The following BRCA2 variants were observed in gnomAD, a reference collection of about 807,000 sequenced individuals.
BRCA2 encodes breast cancer type 2 susceptibility protein.
A neutral mutation model predicts 276.7 loss-of-function variants in BRCA2; 203 were observed. The ratio of observed to expected loss-of-function variants is 0.73; its 90% CI spans 0.65 to 0.82. The LOEUF is 0.82. Ranked by LOEUF, BRCA2 falls within the 40% of genes least tolerant of loss-of-function variation. The probability of loss-of-function intolerance (pLI) is 0.00; values close to 1 mark genes in which losing one functional copy is unlikely to be tolerated. For synonymous variants in BRCA2, 1,289 were observed against 1,338.4 expected (o/e 0.96, Z 0.81); for missense variants, 3,920 against 3,915.0 (o/e 1.00, Z -0.03).
rs80358489 is a variant in BRCA2 at position 32,336,480 on chromosome 13, C to G, written c.2125C>G (p.Leu709Val). 5.6e-6 allele frequency: 9 copies of G among 1,614,056 alleles called. No homozygotes were observed. The highest frequency in any genetic ancestry group is 5.9e-6 in the Non-Finnish European group (7 of 1,180,008). ...ATTTATTACCCCAGAAGCTGATTCT[C>G]TGTCATGCCTGCAGGAAGGACAGTG... is the stretch of plus-strand genomic sequence containing the variant. ...QLFITPEADSLSCLQEGQCEN... is the reference protein window; with the variant it reads ...QLFITPEADSVSCLQEGQCEN... Residue 709 changes from leucine to valine, a missense_variant, in exon 11 of 27, where the codon CTG (leucine) becomes GTG (valine). Transcript: ENST00000380152.
chr13:32,323,239 G>A (rs949260907), intron 3 of BRCA2, among the ~76,000 whole-genome samples: 3 of 148,564 alleles, frequency 2.0e-5, no homozygotes, highest in South Asian at 2.1e-4. Context: ...TGCAAGCTCC[G>A]CCTCCCAGGT....
chr13:32,398,981 T>A lies in BRCA2; in HGVS notation c.*211T>A. ...TTGCTTCAGTTGCATATCTTAAAAC[T>A]AAATGTAATTTATTAACTAATCAAG... On this transcript the variant is annotated 3_prime_UTR_variant, in exon 27 of 27. Transcript: ENST00000380152. 1.8e-6 allele frequency: 1 copy of A among 555,874 alleles called. No homozygotes were observed. Among genetic ancestry groups the A allele is most frequent in the Non-Finnish European group, 3.0e-6 (1 of 329,554 alleles). The allele number at this position is 555,874 out of a possible 1,614,324, so 34.4% of individuals were successfully genotyped here. A position where few individuals can be genotyped will look rare whatever the true frequency, so the allele number is the denominator to read the frequency against.
At position 32,338,405 on chromosome 13, in the gene BRCA2, T is replaced by A. The variant is rs1359369718; in HGVS notation, c.4050T>A (p.His1350Gln). The change falls in exon 11 of 27, where the codon CAT becomes CAA. Residue 1350 changes from histidine to glutamine, a missense_variant. By Grantham distance (24) the His-to-Gln change is conservative. Coordinates refer to ENST00000380152, the MANE Select transcript of BRCA2 (RefSeq NM_000059.4). The stretch of plus-strand genomic sequence containing the variant: ...GTAAAAATGATACTGTTTGTATTCA[T>A]AAAGATGAAACGGACTTGCTATTTA... Reference protein sequence around the residue: ...DSSKNDTVCIHKDETDLLFTD... With the variant: ...DSSKNDTVCIQKDETDLLFTD... 1 of 1,602,442 alleles carries A rather than the reference T, an allele frequency of 6.2e-7. No homozygotes were observed. Among genetic ancestry groups the A allele is most frequent in the Non-Finnish European group, 8.5e-7 (1 of 1,176,416 alleles).
At chr13:32,388,666 C>T (rs373903879) in intron 24 of BRCA2, among the ~76,000 whole-genome samples, 20 of 146,258 alleles carry the variant, frequency 1.4e-4, no homozygotes, top group South Asian at 2.2e-4. Flanking sequence ...AATGCATTTT[C>T]TTTTTTTTTT....
rs751884206 is a variant in BRCA2, at chr13:32,398,189, T to C, written c.9676T>C (p.Tyr3226His). 1 of 1,611,128 alleles carries C rather than the reference T, an allele frequency of 6.2e-7. No homozygotes were observed. The highest frequency in any genetic ancestry group is 1.1e-5 in the South Asian group (1 of 90,646). The change falls in exon 27 of 27, where the codon TAT (tyrosine) becomes CAT (histidine). Residue 3226 changes from tyrosine (Y) to histidine (H), a missense_variant. Coordinates refer to ENST00000380152, the MANE Select transcript of BRCA2 (RefSeq NM_000059.4). Reference sequence around the variant, plus strand: ...GTCTTCTCCTAATTGTGAGATATATTATCAAAGTCCTTTATCACTTTGTAT... The same window carrying C: ...GTCTTCTCCTAATTGTGAGATATATCATCAAAGTCCTTTATCACTTTGTAT... ...LMSSPNCEIY[Y>H]QSPLSLCMAK...
chr13:32,395,013 T>A (rs2137655075), intron 25 of BRCA2, 80 bp downstream of exon 25: 1 of 1,581,578 alleles, frequency 6.3e-7, no homozygotes. Context: ...ATAGCTTTTA[T>A]ACAAATTGGA....
In BRCA2 at chr13:32,338,258, T is replaced by C. The variant is rs199786746; in HGVS notation, c.3903T>C (p.Thr1301=). 7 of 1,559,558 alleles carry C rather than the reference T, an allele frequency of 4.5e-6. No homozygotes were observed. The East Asian group carries it at 1.6e-4, about 35-fold the overall frequency. Residue 1301 remains threonine (T), a synonymous_variant, in exon 11 of 27, where the codon ACT becomes ACC. Coordinates refer to ENST00000380152, the MANE Select transcript of BRCA2 (RefSeq NM_000059.4). ...TATTACAAAATAATATTGAAATGAC[T>C]ACTGGCACTTTTGTTGAAGAAATTA... The part of the protein sequence containing the change: ...QLILQNNIEM[T]TGTFVEEITE...
At chr13:32,391,427 G>C (rs1056034184) in intron 24 of BRCA2, among the ~76,000 whole-genome samples, 25 of 152,310 alleles carry the variant, frequency 1.6e-4, no homozygotes, top group African/African-American at 5.3e-4. Context: ...GCTCCTCCAG[G>C]GAGGGGCATA....
intron 3 of BRCA2, among the ~76,000 whole-genome samples, chr13:32,319,978 A>C: frequency 6.6e-6 from 1 of 152,196 alleles, no homozygotes; most frequent in Admixed American, 6.5e-5. Flanking sequence ...AAAGTTAGGC[A>C]ATTATTCCTT....
chr13:32,329,428 AT>A lies in BRCA2; in HGVS notation c.632-10del, dbSNP rs431825340. 2 of 1,578,562 alleles carry A rather than the reference AT, an allele frequency of 1.3e-6. No individual in the cohort carries two copies. Among genetic ancestry groups the A allele is most frequent in the Non-Finnish European group, 1.7e-6 (2 of 1,151,008 alleles). On this transcript the variant is annotated splice_polypyrimidine_tract_variant and intron_variant, in intron 7 of 26. Coordinates refer to ENST00000380152, the MANE Select transcript of BRCA2 (RefSeq NM_000059.4). ...TAGTGATAATATACAATACACATAAATTTTTATCTTACAGTCAGAAATGAAG... is the reference window on the plus strand; with the variant it reads ...TAGTGATAATATACAATACACATAAATTTTATCTTACAGTCAGAAATGAAG...
chr13:32,323,740 A>G (rs2072323280), intron 3 of BRCA2, among the ~76,000 whole-genome samples: 1 of 152,234 alleles, frequency 6.6e-6, no homozygotes, highest in Non-Finnish European at 1.5e-5. Flanking sequence ...GTTAGAGATT[A>G]TAGGACCAAC....
At chr13:32,369,059 C>T (rs564842026) in intron 18 of BRCA2, among the ~76,000 whole-genome samples, 24 of 152,144 alleles carry the variant, frequency 1.6e-4, no homozygotes, top group Admixed American at 1.3e-4. Flanking sequence ...CCACCCGCCT[C>T]GGCCTCCCAA....
At chr13:32,341,234 T>A (rs2137531265) in intron 11 of BRCA2, 38 bp downstream of exon 11, 4 of 1,612,956 alleles carry the variant, frequency 2.5e-6, no homozygotes, top group Non-Finnish European at 3.4e-6. Context: ...TGCCAATCAC[T>A]ATTTTTAAAG....
In BRCA2 at chr13:32,344,581, T is replaced by C. The variant is rs2072597681; in HGVS notation, c.6865T>C (p.Leu2289=). 6.4e-7 allele frequency: 1 copy of C among 1,563,232 alleles called. No individual in the cohort carries two copies. Among genetic ancestry groups the C allele is most frequent in the Non-Finnish European group, 8.8e-7 (1 of 1,135,948 alleles). The change falls in exon 12 of 27, where the codon TTA becomes CTA. Residue 2289 remains leucine, a synonymous_variant. Coordinates refer to ENST00000380152, the MANE Select transcript of BRCA2 (RefSeq NM_000059.4). ...LVGEPSIKRN[L]LNEFDRIIEN... is the part of the protein sequence containing the mutation. ...AGGAGAACCCTCAATCAAAAGAAAC[T>C]TATTAAATGAATTTGACAGGATAAT... is the stretch of plus-strand genomic sequence containing the variant.
rs1215054971 is a variant in BRCA2, at chr13:32,375,372, C to G, written c.8633-1298C>G. Reference sequence around the variant, plus strand: ...TTCCTCCACTGAAGTCTTGAACCCCCCAAAGTCATCCATGAGGGTTGGAAT... The same window carrying G: ...TTCCTCCACTGAAGTCTTGAACCCCGCAAAGTCATCCATGAGGGTTGGAAT... On this transcript the variant is annotated intron_variant, in intron 20 of 26. Transcript: ENST00000380152. The G allele has an allele frequency of 1.1e-5, 5 of 452,656 alleles. No individual in the cohort carries two copies. The East Asian group carries it at 2.1e-4, about 19-fold the overall frequency. The allele number at this position is 452,656 out of a possible 1,614,324, so 28.0% of individuals were successfully genotyped here. A position where few individuals can be genotyped will look rare whatever the true frequency, so the allele number is the denominator to read the frequency against.
At position 32,332,877 on chromosome 13, in the gene BRCA2, A is replaced by T. The variant is rs80358427; in HGVS notation, c.1399A>T (p.Lys467Ter). The change falls in exon 10 of 27, where the codon AAG becomes TAG. Residue 467 changes from lysine (K) to a stop codon, truncating the protein, a stop_gained. Transcript: ENST00000380152. LOFTEE classifies it high-confidence loss of function. Reference sequence around the variant, plus strand: ...ATTAAATGAGGAAACAGTGGTAAATAAGAGAGATGAAGAGCAGCATCTTGA... The same window carrying T: ...ATTAAATGAGGAAACAGTGGTAAATTAGAGAGATGAAGAGCAGCATCTTGA... ...KPLNEETVVN[K>*]RDEEQHLESH... 1 of 1,611,254 alleles carries T rather than the reference A, an allele frequency of 6.2e-7. No homozygotes were observed. Among genetic ancestry groups the T allele is most frequent in the East Asian group, 2.2e-5 (1 of 44,868 alleles).
At chr13:32,371,127 G>A (rs766977431) in intron 20 of BRCA2, 27 bp downstream of exon 20, 1 of 1,606,356 alleles carries the variant, frequency 6.2e-7, no homozygotes, top group Admixed American at 1.7e-5. Flanking sequence ...GGTACACATT[G>A]TTATTTCTAA....
At position 32,337,805 on chromosome 13, in the gene BRCA2, T is replaced by A. The variant is rs2072480743; in HGVS notation, c.3450T>A (p.Thr1150=). ...STFEVPENQM[T]ILKTTSEECR... Reference sequence around the variant, plus strand: ...TTGAAGTGCCTGAAAACCAGATGACTATCTTAAAGACCACTTCTGAGGAAT... The same window carrying A: ...TTGAAGTGCCTGAAAACCAGATGACAATCTTAAAGACCACTTCTGAGGAAT... Residue 1150 remains threonine (T), a synonymous_variant, in exon 11 of 27, where the codon ACT becomes ACA. Coordinates refer to ENST00000380152, the MANE Select transcript of BRCA2 (RefSeq NM_000059.4). 6.2e-7 allele frequency: 1 copy of A among 1,614,064 alleles called. No homozygotes were observed. Among genetic ancestry groups the A allele is most frequent in the Non-Finnish European group, 8.5e-7 (1 of 1,179,968 alleles).
In BRCA2 at chr13:32,350,745, T is replaced by TC. The variant is rs1310257999; in HGVS notation, c.7007+3851dup. ...TCCAGCCTGGGCGAGAGAGCGAGACTCCGTCTCAAAAAAAAAACAACAAAA... is the reference window on the plus strand; with the variant it reads ...TCCAGCCTGGGCGAGAGAGCGAGACTCCCGTCTCAAAAAAAAAACAACAAAA... On this transcript the variant is annotated intron_variant, in intron 13 of 26. Transcript: ENST00000380152. Among the ~76,000 whole-genome samples the TC allele has an allele frequency of 9.9e-5, 15 of 151,664 alleles. No homozygotes were observed. In the East Asian group the frequency reaches 2.7e-3, roughly 27 times the overall value.
Sources: gnomAD v4.1 joint callset for allele counts (sites outside exome capture counted in the v4.1 genomes callset) on GRCh38, gnomAD v4.1.1 for gene constraint, MANE v1.5 for transcripts, NCBI Gene and HGNC (gene_info 2026-07-23, HGNC 2026-07-21) for gene names.